The following LGMN variants were observed in gnomAD, a reference collection of about 807,000 sequenced individuals.
LGMN encodes the protein asparaginyl endopeptidase.
LGMN carries 36 observed loss-of-function variants against 56.8 expected under a neutral mutation model. That is an observed-to-expected ratio of 0.63 (90% confidence interval 0.49 to 0.84). The LOEUF is 0.84. Among genes scored for constraint, LGMN ranks in the 40% least tolerant of loss-of-function variants. The probability of loss-of-function intolerance (pLI) is 0.00; values close to 1 mark genes in which losing one functional copy is unlikely to be tolerated. For missense variants in LGMN, 446 were observed against 556.1 expected, an observed-to-expected ratio of 0.80 and a Z score of 1.99; for synonymous variants, 199 against 210.1, an observed-to-expected ratio of 0.95 and a Z score of 0.46.
chr14:92,740,184 G>A (rs1458148456), intron 1 of LGMN, among the ~76,000 whole-genome samples: 2 of 152,190 alleles, frequency 1.3e-5, no homozygotes, highest in African/African-American at 4.8e-5. Flanking sequence ...GGAGGCAGAG[G>A]TTGCAGTGAG....
intron 1 of LGMN, chr14:92,743,094 G>T (rs1891641301): frequency 6.6e-6 from 1 of 151,814 alleles, no homozygotes; most frequent in African/African-American, 2.4e-5. Context: ...ACTCAGGGGA[G>T]ACCCTTCCTC....
chr14:92,723,758 G>A (rs1163594801), intron 2 of LGMN, among the ~76,000 whole-genome samples: 1 of 151,674 alleles, frequency 6.6e-6, no homozygotes, highest in Non-Finnish European at 1.5e-5. Context: ...TTTTGAGTCA[G>A]TCTTGCTCTG....
chr14:92,736,205 G>A (rs1458162266), intron 1 of LGMN, among the ~76,000 whole-genome samples: 1 of 152,160 alleles, frequency 6.6e-6, no homozygotes, highest in Non-Finnish European at 1.5e-5. Context: ...AAAGTCACAG[G>A]GAGATGTGCC....
chr14:92,736,464 C>T (rs1391634169), intron 1 of LGMN, among the ~76,000 whole-genome samples: 7 of 151,956 alleles, frequency 4.6e-5, no homozygotes, highest in Admixed American at 6.6e-5. Flanking sequence ...GGCGTGGTGG[C>T]GCACACCTGT....
intron 1 of LGMN, among the ~76,000 whole-genome samples, chr14:92,743,419 C>T (rs961768407): frequency 6.6e-5 from 10 of 151,878 alleles, no homozygotes; most frequent in African/African-American, 1.9e-4. Context: ...AGGAGAATGG[C>T]GTGCACCCGG....
chr14:92,743,294 G>A (rs1010640407), intron 1 of LGMN, among the ~76,000 whole-genome samples: 4 of 152,160 alleles, frequency 2.6e-5, no homozygotes, highest in Non-Finnish European at 4.4e-5. Flanking sequence ...GAGGTCAGGA[G>A]ATCGAGACCA....
chr14:92,738,840 G>A (rs1232499725), intron 1 of LGMN, among the ~76,000 whole-genome samples: 2 of 151,600 alleles, frequency 1.3e-5, no homozygotes, highest in Non-Finnish European at 2.9e-5. Context: ...CCAACAGGGT[G>A]AAACCCTGTC....
At chr14:92,745,283 T>C (rs998214080) in intron 1 of LGMN, among the ~76,000 whole-genome samples, 1 of 152,230 alleles carries the variant, frequency 6.6e-6, no homozygotes, top group Non-Finnish European at 1.5e-5. Flanking sequence ...GTTTGCAGCC[T>C]TTTCCCAAAA....
intron 11 of LGMN, among the ~76,000 whole-genome samples, chr14:92,707,382 C>T (rs548415903): frequency 1.3e-5 from 2 of 152,350 alleles, no homozygotes; most frequent in Admixed American, 6.5e-5. Context: ...GTTCTCCAGG[C>T]GTGGTCCAGA....
intron 11 of LGMN, among the ~76,000 whole-genome samples, 155 bp downstream of exon 11, chr14:92,709,516 GC>G (rs1183661172): frequency 6.6e-6 from 1 of 152,134 alleles, no homozygotes; most frequent in Non-Finnish European, 1.5e-5. Flanking sequence ...CCACGGCTCC[GC>G]CCACCCGCTT....
At chr14:92,746,807 G>A (rs757634915) in intron 1 of LGMN, among the ~76,000 whole-genome samples, 5 of 151,614 alleles carry the variant, frequency 3.3e-5, no homozygotes, top group Non-Finnish European at 7.4e-5. Flanking sequence ...GAGGCCGAGG[G>A]GGGTGGATCA....
chr14:92,717,783 A>T (rs150810412), intron 3 of LGMN, among the ~76,000 whole-genome samples: 192 of 152,342 alleles, frequency 1.3e-3, no homozygotes, highest in African/African-American at 4.2e-3. Context: ...AAGCTCTCTC[A>T]GAGTGAAACT....
At chr14:92,731,761 T>C (rs1891057879) in intron 2 of LGMN, among the ~76,000 whole-genome samples, 1 of 152,234 alleles carries the variant, frequency 6.6e-6, no homozygotes, top group Non-Finnish European at 1.5e-5. Context: ...TGAACAGTCA[T>C]GTACATGTTC....
intron 2 of LGMN, among the ~76,000 whole-genome samples, chr14:92,723,739 C>T (rs536863599): frequency 0.019 from 2,868 of 150,054 alleles, 99 homozygotes; most frequent in African/African-American, 0.066. Context: ...GCCCAAACAA[C>T]TTTTTTTTTT....
At chr14:92,720,532 T>C (rs1346336813) in intron 2 of LGMN, among the ~76,000 whole-genome samples, 2 of 152,122 alleles carry the variant, frequency 1.3e-5, no homozygotes, top group African/African-American at 2.4e-5. Context: ...CCAGGCATGG[T>C]GGTGCATGCG....
intron 4 of LGMN, 104 bp from the exon 5 acceptor site, chr14:92,716,325 C>T (rs1890073136): frequency 4.8e-6 from 4 of 837,702 alleles, no homozygotes; most frequent in Non-Finnish European, 8.2e-6. Context: ...CATTCCAAGG[C>T]TCATGGCTTA....
intron 11 of LGMN, among the ~76,000 whole-genome samples, chr14:92,709,417 G>C (rs959358727): frequency 6.6e-6 from 1 of 152,196 alleles, no homozygotes; most frequent in Non-Finnish European, 1.5e-5. Flanking sequence ...ATGGCTTCTT[G>C]GTACGATACA....
At chr14:92,731,523 A>C (rs758336338) in intron 2 of LGMN, among the ~76,000 whole-genome samples, 18 of 152,110 alleles carry the variant, frequency 1.2e-4, no homozygotes, top group Admixed American at 3.9e-4. Context: ...AGATTTTCCA[A>C]ATTTGGGCTT....
chr14:92,719,311 ACCG>A lies in LGMN; in HGVS notation c.139-470_139-468del, dbSNP rs1212696403. On this transcript the variant is annotated intron_variant, in intron 2 of 13. Transcript: ENST00000334869. ...CGCCGCCGCCGCCGCCACCGCCGCC[ACCG>A]CCGCCGCCGCCACCGCCACCGCCAT... Among the ~76,000 whole-genome samples the A allele has an allele frequency of 6.7e-3, 514 of 77,290 alleles. 12 individuals carry two copies. The highest frequency in any genetic ancestry group is 8.8e-3 in the Non-Finnish European group (376 of 42,898). 50.7% of individuals were successfully genotyped at this position (77,290 alleles called of 152,430 possible). A position where few individuals can be genotyped will look rare whatever the true frequency, so the allele number is the denominator to read the frequency against.
Sources: allele counts gnomAD v4.1 joint callset (sites outside exome capture counted in the v4.1 genomes callset), GRCh38; gene constraint gnomAD v4.1.1; transcripts MANE v1.5; gene names NCBI Gene and HGNC (gene_info 2026-07-23, HGNC 2026-07-21).